The following ADGB variants were observed in gnomAD, a reference collection of about 807,000 sequenced individuals.
ADGB encodes the protein calpain-7-like protein.
In ADGB, 172 loss-of-function variants were observed where a neutral mutation model predicts 210.5. The ratio of observed to expected loss-of-function variants is 0.82; its 90% CI spans 0.72 to 0.93. The LOEUF is 0.93. Among genes scored for constraint, ADGB ranks in the 40% least tolerant of loss-of-function variants. The pLI is 0.00. For missense variants in ADGB, 2,025 were observed against 1,964.8 expected (o/e 1.03, Z -0.58); for synonymous variants, 658 against 662.7 (o/e 0.99, Z 0.11).
At chr6:146,724,386 GGT>G in intron 18 of ADGB, 59 bp downstream of exon 18, 1 of 1,457,196 alleles carries the variant, frequency 6.9e-7, no homozygotes, top group Non-Finnish European at 9.1e-7. Flanking sequence ...GCAAATTGTT[GGT>G]TACTAAAGAA....
chr6:146,702,614 T>C (rs1346007128), intron 13 of ADGB, among the ~76,000 whole-genome samples: 1 of 151,912 alleles, frequency 6.6e-6, no homozygotes, highest in African/African-American at 2.4e-5. Flanking sequence ...AACTTCCTTT[T>C]TTTCTACTCA....
chr6:146,640,987 C>T (rs550808314), intron 2 of ADGB, among the ~76,000 whole-genome samples: 205 of 151,818 alleles, frequency 1.4e-3, no homozygotes, highest in Non-Finnish European at 2.5e-3. Flanking sequence ...TGTTTGAAGA[C>T]GACATAATTC....
At chr6:146,624,722 T>C (rs1780948213) in intron 1 of ADGB, among the ~76,000 whole-genome samples, 1 of 151,980 alleles carries the variant, frequency 6.6e-6, no homozygotes, top group Non-Finnish European at 1.5e-5. Context: ...TTTCGTCCTA[T>C]AAATTTCACC....
chr6:146,775,212 T>A (rs259415), intron 29 of ADGB, among the ~76,000 whole-genome samples: 116,465 of 152,074 alleles, frequency 0.77, 44,775 homozygotes, highest in Admixed American at 0.82. Context: ...CACTTATTTA[T>A]ACTCAACATT....
chr6:146,793,260 T>C (rs1777978994), intron 33 of ADGB, among the ~76,000 whole-genome samples: 1 of 152,166 alleles, frequency 6.6e-6, no homozygotes, highest in Admixed American at 6.5e-5. Context: ...TTGTTGTGTT[T>C]TACAGAGTGC....
chr6:146,677,366 C>A (rs1460058100), intron 9 of ADGB, among the ~76,000 whole-genome samples: 2 of 152,030 alleles, frequency 1.3e-5, no homozygotes, highest in Non-Finnish European at 2.9e-5. Context: ...TGTGTTTTTA[C>A]ATCTAGTAGT....
Position 146,782,105 on chromosome 6 carries a change from T to A in ADGB, c.3948T>A (p.Thr1316=). ...GTGAGGGACAAAAATCTTCAGTAAC[T>A]TCCAAAACAACAAGGAAAGGCAAAG... ...TISEGQKSSV[T]SKTTRKGKEK... Residue 1316 remains threonine, a synonymous_variant, in exon 30 of 36, where the codon ACT becomes ACA. Transcript: ENST00000397944. The A allele has an allele frequency of 3.2e-6, 5 of 1,548,492 alleles. No individual in the cohort carries two copies. The highest frequency in any genetic ancestry group is 4.4e-6 in the Non-Finnish European group (5 of 1,145,736).
intron 1 of ADGB, among the ~76,000 whole-genome samples, chr6:146,617,086 T>A (rs1780813514): frequency 6.7e-6 from 1 of 149,272 alleles, no homozygotes; most frequent in African/African-American, 2.6e-5. Flanking sequence ...AGAATGAGAT[T>A]TTTTTTCATC....
intron 35 of ADGB, chr6:146,803,915 A>G (rs1232464427): frequency 3.6e-6 from 1 of 280,728 alleles, no homozygotes; most frequent in Non-Finnish European, 6.5e-6. Context: ...ATGCCTACAG[A>G]ATCCCCAAAA....
At chr6:146,710,432 G>A (rs914937571) in intron 13 of ADGB, among the ~76,000 whole-genome samples, 3 of 152,002 alleles carry the variant, frequency 2.0e-5, no homozygotes, top group African/African-American at 7.2e-5. Flanking sequence ...GCTTGTAAAT[G>A]TAGTTCTAAA....
In ADGB at chr6:146,715,238, T is replaced by G. The variant is rs1025276445; in HGVS notation, c.1708-144T>G. ...TTGACATTTAAAGTTAAAAACAAATTTTTTTGGTAGGTTTTAGTAAATTTT... is the reference window on the plus strand; with the variant it reads ...TTGACATTTAAAGTTAAAAACAAATGTTTTTGGTAGGTTTTAGTAAATTTT... On this transcript the variant is annotated intron_variant, in intron 13 of 35. Transcript: ENST00000397944. 69 of 669,758 alleles carry G rather than the reference T, an allele frequency of 1.0e-4. 1 individual carries two copies. In the South Asian group the frequency reaches 1.2e-3, roughly 12 times the overall value. 41.5% of individuals were successfully genotyped at this position (669,758 alleles called of 1,614,324 possible). A position where few individuals can be genotyped will look rare whatever the true frequency, so the allele number is the denominator to read the frequency against.
chr6:146,781,193 A>G (rs1337745346), intron 29 of ADGB, among the ~76,000 whole-genome samples: 1 of 144,282 alleles, frequency 6.9e-6, no homozygotes, highest in African/African-American at 2.7e-5. Context: ...AAAAAAAAAA[A>G]TTAGCCGGGC....
At chr6:146,603,689 A>T (rs1183161357) in intron 1 of ADGB, among the ~76,000 whole-genome samples, 1 of 152,354 alleles carries the variant, frequency 6.6e-6, no homozygotes, top group East Asian at 1.9e-4. Flanking sequence ...TAAAATGAAC[A>T]TCTAAATTTT....
intron 30 of ADGB, among the ~76,000 whole-genome samples, chr6:146,783,556 TA>T (rs1777831431): frequency 6.6e-6 from 1 of 152,294 alleles, no homozygotes; most frequent in South Asian, 2.1e-4. Flanking sequence ...TACCCTGTGT[TA>T]AAAGGAGGAA....
rs1230060230 is a variant in ADGB at position 146,724,227 on chromosome 6, A to G, written c.2137A>G (p.Thr713Ala). 1 of 1,551,190 alleles carries G rather than the reference A, an allele frequency of 6.4e-7. No individual in the cohort carries two copies. Among genetic ancestry groups the G allele is most frequent in the African/African-American group, 1.4e-5 (1 of 73,152 alleles). The change falls in exon 18 of 36, where the codon ACA becomes GCA. Residue 713 changes from threonine (T) to alanine (A), a missense_variant. Thr to Ala is a moderately conservative substitution (Grantham distance 58, BLOSUM62 0). Coordinates refer to ENST00000397944, the MANE Select transcript of ADGB (RefSeq NM_024694.4). ...TCCTCCCATAGAGCCTGGACTTCTC[A>G]CAGCTGAAACGTTTTCTTGGAAATC... is the stretch of plus-strand genomic sequence containing the variant. ...DSPPIEPGLLTAETFSWKSLK... is the reference protein window; with the variant it reads ...DSPPIEPGLLAAETFSWKSLK...
intron 33 of ADGB, among the ~76,000 whole-genome samples, chr6:146,790,857 C>T (rs1400306427): frequency 2.0e-5 from 3 of 152,102 alleles, no homozygotes; most frequent in Non-Finnish European, 4.4e-5. Context: ...TGCTTGTTAT[C>T]TCTCATCTTT....
chr6:146,681,179 G>A (rs573493283), intron 9 of ADGB, among the ~76,000 whole-genome samples: 1 of 152,290 alleles, frequency 6.6e-6, no homozygotes, highest in South Asian at 2.1e-4. Flanking sequence ...CCTGGTGGGA[G>A]TGGACCTGAA....
chr6:146,601,925 G>A (rs1172709812), intron 1 of ADGB, among the ~76,000 whole-genome samples: 1 of 152,120 alleles, frequency 6.6e-6, no homozygotes, highest in Non-Finnish European at 1.5e-5. Context: ...TTTGATCGAA[G>A]CCCAATTCTC....
Position 146,721,082 on chromosome 6 carries a change from C to T in ADGB, c.1993-321C>T, listed in dbSNP as rs148141930. ...AGACCCATGCTTGAGTACTACTCTG[C>T]CCTGGGCTCGGCCTCTTCTCTTTCT... On this transcript the variant is annotated intron_variant, in intron 16 of 35. Coordinates refer to ENST00000397944, the MANE Select transcript of ADGB (RefSeq NM_024694.4). 4.7e-3 allele frequency among the ~76,000 whole-genome samples: 718 copies of T among 152,296 alleles called. 5 individuals are homozygous for T. The highest frequency in any genetic ancestry group is 8.0e-3 in the Admixed American group (123 of 15,292).
Sources: gnomAD v4.1 joint callset for allele counts (sites outside exome capture counted in the v4.1 genomes callset) on GRCh38, gnomAD v4.1.1 for gene constraint, MANE v1.5 for transcripts, NCBI Gene and HGNC (gene_info 2026-07-23, HGNC 2026-07-21) for gene names.